Variants in VPS37A observed in about 807,000 individuals in gnomAD.
VPS37A encodes the protein VPS37A subunit of ESCRT-I.
In VPS37A, 30 loss-of-function variants were observed where a neutral mutation model predicts 49.8. The ratio of observed to expected loss-of-function variants is 0.60; its 90% CI spans 0.45 to 0.82. The LOEUF is 0.82. VPS37A is among the 40% of genes least tolerant of loss of function. The pLI, the probability that VPS37A is intolerant of heterozygous loss-of-function variation, is 0.00. For missense variants in VPS37A, 593 were observed against 464.4 expected (o/e 1.28, Z -2.55); for synonymous variants, 195 against 160.6 (o/e 1.21, Z -1.62).
chr8:17,267,466 C>CTT (rs201489065), intron 2 of VPS37A, among the ~76,000 whole-genome samples: 192 of 18,474 alleles, frequency 0.01, no homozygotes, highest in African/African-American at 0.095. Flanking sequence ...AAAATTTCTG[C>CTT]TTGTGTGTGT....
intron 1 of VPS37A, among the ~76,000 whole-genome samples, chr8:17,262,038 C>T (rs948816829): frequency 4.6e-5 from 7 of 152,176 alleles, no homozygotes; most frequent in African/African-American, 1.7e-4. Flanking sequence ...GATTGTTCAC[C>T]TCGATCTTAC....
chr8:17,279,752 G>A (rs111756296), intron 6 of VPS37A: 2 of 492,658 alleles, frequency 4.1e-6, no homozygotes, highest in African/African-American at 1.9e-5. Context: ...ACTTCCCCAC[G>A]GTTGTGATTT....
At chr8:17,316,774 A>G in the VPS37A span, among the ~76,000 whole-genome samples, 24,306 of 152,186 alleles carry the variant, frequency 0.16, 2,245 homozygotes, top group East Asian at 0.3. Context: ...GATTTTAAAT[A>G]TATGGGAGGA....
intron 1 of VPS37A, 93 bp downstream of exon 1, chr8:17,247,462 AC>A: frequency 6.8e-7 from 1 of 1,475,248 alleles, no homozygotes; most frequent in Non-Finnish European, 9.0e-7. Flanking sequence ...TCTGCTCCCC[AC>A]CAGCTCCTCA....
intron 10 of VPS37A, 47 bp from the exon 11 acceptor site, chr8:17,286,300 C>G: frequency 6.8e-7 from 1 of 1,461,616 alleles, no homozygotes; most frequent in African/African-American, 1.4e-5. Flanking sequence ...AAGTAGTAGG[C>G]ATATCTTTGT....
At chr8:17,324,308 A>T in the VPS37A span, among the ~76,000 whole-genome samples, 1 of 152,200 alleles carries the variant, frequency 6.6e-6, no homozygotes, top group Non-Finnish European at 1.5e-5. Flanking sequence ...TGTGTTAAGT[A>T]CTTACTACAA....
chr8:17,261,994 C>G (rs1813004341), intron 1 of VPS37A, among the ~76,000 whole-genome samples: 2 of 152,272 alleles, frequency 1.3e-5, no homozygotes, highest in South Asian at 2.1e-4. Context: ...AGGGATGAGT[C>G]TCCTGCCAGG....
rs3216865 is a variant in VPS37A, at chr8:17,297,556, C to CTATTATT, written c.*2574_*2575insATTTATT. ...GCTGGGTCATGGTCAAAATTCTTAC[C>CTATTATT]TATTTATTTCATATCAACTTTAAAA... On this transcript the variant is annotated 3_prime_UTR_variant, in exon 12 of 12. Coordinates refer to ENST00000324849, the MANE Select transcript of VPS37A (RefSeq NM_152415.3). 6.6e-6 allele frequency: 1 copy of CTATTATT among 151,690 alleles called. No homozygotes were observed. The highest frequency in any genetic ancestry group is 2.4e-5 in the African/African-American group (1 of 41,388). 9.4% of individuals were successfully genotyped at this position (151,690 alleles called of 1,614,324 possible). A position where few individuals can be genotyped will look rare whatever the true frequency, so the allele number is the denominator to read the frequency against.
At chr8:17,270,521 C>G (rs1387701346) in intron 4 of VPS37A, among the ~76,000 whole-genome samples, 1 of 152,102 alleles carries the variant, frequency 6.6e-6, no homozygotes, top group Non-Finnish European at 1.5e-5. Flanking sequence ...GCATTCCAAC[C>G]AAGTGGAAGC....
At chr8:17,304,155 A>G (rs1199449610), downstream of VPS37A, among the ~76,000 whole-genome samples, 2 of 152,236 alleles carry the variant, frequency 1.3e-5, no homozygotes, top group Non-Finnish European at 2.9e-5. Context: ...TCATTATTAT[A>G]AAACATCACC....
chr8:17,268,759 G>T (rs1053467534), intron 3 of VPS37A, 97 bp from the exon 4 acceptor site: 7 of 836,674 alleles, frequency 8.4e-6, no homozygotes, highest in Non-Finnish European at 1.1e-5. Context: ...TTCTTGACCT[G>T]CAAAAGTAAG....
At chr8:17,282,135 C>A (rs1016296678) in intron 9 of VPS37A, among the ~76,000 whole-genome samples, 1 of 151,878 alleles carries the variant, frequency 6.6e-6, no homozygotes, top group African/African-American at 2.4e-5. Context: ...TTCCCAGTAT[C>A]AGAATACACT....
the VPS37A span, among the ~76,000 whole-genome samples, chr8:17,320,390 T>G: frequency 1.6e-4 from 25 of 151,516 alleles, no homozygotes; most frequent in Admixed American, 3.3e-4. Context: ...AGACGGAGGG[T>G]GTGGTAAAGG....
At chr8:17,270,183 C>T (rs1813843851) in intron 4 of VPS37A, among the ~76,000 whole-genome samples, 1 of 152,100 alleles carries the variant, frequency 6.6e-6, no homozygotes, top group African/African-American at 2.4e-5. Context: ...CAGGCCCCAC[C>T]TCCAACATTG....
intron 9 of VPS37A, 121 bp downstream of exon 9, chr8:17,280,564 CATG>C (rs931038326): frequency 1.2e-6 from 1 of 857,436 alleles, no homozygotes; most frequent in Non-Finnish European, 1.8e-6. Context: ...CCTTATAAGA[CATG>C]ATACCTTTAA....
chr8:17,298,512 C>A (rs905922469), downstream of VPS37A: 1 of 152,330 alleles, frequency 6.6e-6, no homozygotes, highest in African/African-American at 2.4e-5. Context: ...TTGCCCTCGT[C>A]CTCATTTCAG....
At chr8:17,299,645 G>T (rs1816967156), downstream of VPS37A, 2 of 593,962 alleles carry the variant, frequency 3.4e-6, no homozygotes, top group Admixed American at 6.1e-5. Flanking sequence ...CTTCAAAATG[G>T]TGAATAATTT....
chr8:17,248,458 T>C (rs886708725), intron 1 of VPS37A: 14 of 446,134 alleles, frequency 3.1e-5, no homozygotes, highest in African/African-American at 2.8e-4. Flanking sequence ...GTATTTTTAG[T>C]AGAGACGGGG....
chr8:17,297,279 A>AATC lies in VPS37A; in HGVS notation c.*2295_*2297dup, dbSNP rs200468158. 8 of 152,152 alleles carry AATC rather than the reference A, an allele frequency of 5.3e-5. No homozygotes were observed. The East Asian group carries it at 9.6e-4, about 18-fold the overall frequency. 9.4% of individuals were successfully genotyped at this position (152,152 alleles called of 1,614,324 possible). On this transcript the variant is annotated 3_prime_UTR_variant, in exon 12 of 12. Transcript: ENST00000324849. ...AATAGAAGAAAATTCTAAATCAATC[A>AATC]ATCAGTGAGATATAAACTAAACAGA...
Sources: allele counts gnomAD v4.1 joint callset (sites outside exome capture counted in the v4.1 genomes callset), GRCh38; gene constraint gnomAD v4.1.1; transcripts MANE v1.5; gene names NCBI Gene and HGNC (gene_info 2026-07-23, HGNC 2026-07-21).